PTPRD: variants seen among roughly 807,000 people sequenced by gnomAD.
PTPRD encodes the protein protein tyrosine phosphatase receptor type D.
PTPRD carries 34 observed loss-of-function variants against 214.5 expected under a neutral mutation model. The observed-to-expected ratio is 0.16, with a 90% CI of 0.12 to 0.21. The LOEUF (loss-of-function observed/expected upper bound fraction) is 0.21, where lower values mean the gene tolerates loss of function less well. Ranked by LOEUF, PTPRD falls within the 10% of genes least tolerant of loss-of-function variation. The pLI is 1.00. For missense variants in PTPRD, 2,545 were observed against 2,398.7 expected (o/e 1.06, Z -1.27); for synonymous variants, 1,128 against 845.7 (o/e 1.33, Z -5.79).
intron 2 of PTPRD, among the ~76,000 whole-genome samples, chr9:10,476,385 T>C (rs757082964): frequency 5.3e-5 from 8 of 152,102 alleles, no homozygotes; most frequent in East Asian, 1.9e-4. Flanking sequence ...CCATTCACAA[T>C]TGCTACAAAG....
At chr9:10,029,304 G>A (rs1317705113) in intron 4 of PTPRD, among the ~76,000 whole-genome samples, 1 of 152,176 alleles carries the variant, frequency 6.6e-6, no homozygotes, top group East Asian at 1.9e-4. Flanking sequence ...AGTCCCCACT[G>A]GGGCGCTGTC....
intron 9 of PTPRD, among the ~76,000 whole-genome samples, chr9:9,320,400 C>T (rs117000786): frequency 0.033 from 5,071 of 152,182 alleles, 123 homozygotes; most frequent in Middle Eastern, 0.058. Context: ...AAAGTTAAGC[C>T]TATTCCTGAA....
intron 10 of PTPRD, among the ~76,000 whole-genome samples, chr9:9,164,907 G>T (rs1186625892): frequency 1.4e-5 from 2 of 147,678 alleles, no homozygotes; most frequent in Non-Finnish European, 3.0e-5. Context: ...CCAGAAATTA[G>T]CCGGGTGTGG....
rs539640326 is a variant in PTPRD at position 8,355,104 on chromosome 9, G to C, written c.4662-13126C>G. ...GTGTTTGGAGCATGGGAGGTGGATC[G>C]TTCATGAAGGCTTGGTGCCCTCACG... On this transcript the variant is annotated intron_variant, in intron 39 of 45. Coordinates refer to ENST00000381196, the MANE Select transcript of PTPRD (RefSeq NM_002839.4). Among the ~76,000 whole-genome samples, 3 of 152,116 alleles carry C rather than the reference G, an allele frequency of 2.0e-5. No individual in the cohort carries two copies. The South Asian group carries it at 6.3e-4, about 32-fold the overall frequency.
At chr9:10,176,131 T>G (rs1376183562) in intron 3 of PTPRD, among the ~76,000 whole-genome samples, 1 of 152,038 alleles carries the variant, frequency 6.6e-6, no homozygotes, top group African/African-American at 2.4e-5. Flanking sequence ...GTTACATTAC[T>G]TTAAATACTT....
intron 6 of PTPRD, among the ~76,000 whole-genome samples, chr9:9,749,896 C>T (rs1430010463): frequency 6.6e-6 from 1 of 152,046 alleles, no homozygotes. Flanking sequence ...TAGCTAAGGT[C>T]ACTTGAAATA....
At chr9:8,642,368 G>C (rs892946052) in intron 12 of PTPRD, among the ~76,000 whole-genome samples, 19 of 152,092 alleles carry the variant, frequency 1.2e-4, no homozygotes, top group African/African-American at 4.3e-4. Flanking sequence ...ACAGAGTTTT[G>C]TTTTTAAAGG....
At chr9:9,316,051 G>T (rs760261519) in intron 9 of PTPRD, among the ~76,000 whole-genome samples, 6 of 151,836 alleles carry the variant, frequency 4.0e-5, no homozygotes, top group Non-Finnish European at 7.4e-5. Context: ...TAGTGCACAT[G>T]CCTGTCCATA....
intron 9 of PTPRD, among the ~76,000 whole-genome samples, chr9:9,360,890 T>C (rs766046968): frequency 6.6e-5 from 10 of 151,088 alleles, no homozygotes; most frequent in Non-Finnish European, 1.0e-4. Flanking sequence ...CAGGGAAATA[T>C]AGCTTAAGGC....
intron 4 of PTPRD, among the ~76,000 whole-genome samples, chr9:9,991,464 C>A (rs2095918464): frequency 6.6e-6 from 1 of 151,720 alleles, no homozygotes; most frequent in South Asian, 2.1e-4. Flanking sequence ...CAGGTTCAAG[C>A]AATTCTCCTG....
intron 11 of PTPRD, among the ~76,000 whole-genome samples, chr9:8,834,417 C>T (rs1031809381): frequency 2.9e-5 from 3 of 102,780 alleles, no homozygotes; most frequent in Admixed American, 1.0e-4. Context: ...CAAAAATAGT[C>T]TCTTTTATAA....
At chr9:10,449,201 G>C (rs1273854142) in intron 2 of PTPRD, among the ~76,000 whole-genome samples, 3 of 151,946 alleles carry the variant, frequency 2.0e-5, no homozygotes, top group South Asian at 2.1e-4. Context: ...CGCCACGCCT[G>C]ACTGGTTTTT....
chr9:9,845,089 T>G (rs12377536), intron 5 of PTPRD, among the ~76,000 whole-genome samples: 154 of 125,296 alleles, frequency 1.2e-3, no homozygotes, highest in Non-Finnish European at 1.9e-3. Flanking sequence ...TCTATATATA[T>G]AGCTATATAT....
intron 5 of PTPRD, among the ~76,000 whole-genome samples, chr9:9,901,337 C>A (rs2076349888): frequency 6.6e-6 from 1 of 152,094 alleles, no homozygotes; most frequent in Non-Finnish European, 1.5e-5. Flanking sequence ...GTTCAACCTC[C>A]TGAAATAGTG....
intron 5 of PTPRD, among the ~76,000 whole-genome samples, chr9:9,919,856 G>A (rs1241707205): frequency 2.6e-5 from 4 of 152,148 alleles, no homozygotes; most frequent in Non-Finnish European, 5.9e-5. Flanking sequence ...TTACTAAGCT[G>A]CTGCCAGGAT....
chr9:10,217,748 C>A (rs1196397967), intron 3 of PTPRD, among the ~76,000 whole-genome samples: 1 of 151,912 alleles, frequency 6.6e-6, no homozygotes, highest in Non-Finnish European at 1.5e-5. Flanking sequence ...AATGGCCTAT[C>A]ATGTGCCCAG....
chr9:8,603,081 G>A (rs1196686036), intron 14 of PTPRD, among the ~76,000 whole-genome samples: 2 of 152,122 alleles, frequency 1.3e-5, no homozygotes, highest in Non-Finnish European at 2.9e-5. Flanking sequence ...ATCATAAGTA[G>A]TATTCTATTA....
intron 5 of PTPRD, among the ~76,000 whole-genome samples, chr9:9,884,610 G>A (rs987261753): frequency 6.6e-5 from 10 of 152,130 alleles, no homozygotes; most frequent in African/African-American, 9.7e-5. Context: ...GGAGTGATAT[G>A]GTTTGGCTGT....
chr9:10,153,836 T>C (rs1592580583), intron 3 of PTPRD, among the ~76,000 whole-genome samples: 1 of 152,142 alleles, frequency 6.6e-6, no homozygotes, highest in African/African-American at 2.4e-5. Flanking sequence ...AGTGGCTGCG[T>C]AGAATTCCAT....
Sources: gnomAD v4.1 joint callset for allele counts (sites outside exome capture counted in the v4.1 genomes callset) on GRCh38, gnomAD v4.1.1 for gene constraint, MANE v1.5 for transcripts, NCBI Gene and HGNC (gene_info 2026-07-23, HGNC 2026-07-21) for gene names.